The following ZDHHC9 variants were observed in gnomAD, a reference collection of about 807,000 sequenced individuals.
The protein encoded by ZDHHC9 is zDHHC palmitoyltransferase 9, also known as palmitoyltransferase ZDHHC9.
In ZDHHC9, 3 loss-of-function variants were observed where a neutral mutation model predicts 26.6. That is an observed-to-expected ratio of 0.11 (90% CI 0.05 to 0.29). The LOEUF (loss-of-function observed/expected upper bound fraction) is 0.29. Among genes scored for constraint, ZDHHC9 ranks in the 10% least tolerant of loss-of-function variants. The probability of loss-of-function intolerance (pLI) is 1.00; values close to 1 mark genes in which losing one functional copy is unlikely to be tolerated. For missense variants in ZDHHC9, 146 were observed against 296.4 expected (o/e 0.49, Z 3.73); for synonymous variants, 111 against 109.4 (o/e 1.01, Z -0.09).
intron 6 of ZDHHC9, among the ~76,000 whole-genome samples, chrX:129,814,146 C>T (rs111719704): frequency 4.5e-5 from 5 of 112,282 alleles, no homozygotes; most frequent in African/African-American, 1.6e-4. Flanking sequence ...AGACCACTCC[C>T]TTAACTCCAC....
chrX:129,811,993 T>C (rs1927652560), intron 8 of ZDHHC9, among the ~76,000 whole-genome samples: 1 of 111,666 alleles, frequency 9.0e-6, no homozygotes, highest in Non-Finnish European at 1.9e-5. Flanking sequence ...ACAAAGGTGA[T>C]GTCTAAGAAG....
chrX:129,823,180 A>C (rs1927930279), intron 5 of ZDHHC9: 1 of 119,300 alleles, frequency 8.4e-6, no homozygotes, highest in South Asian at 3.1e-4. Context: ...AATGGGGATA[A>C]TACCAATCTC....
chrX:129,827,278 G>A (rs1158107680), intron 4 of ZDHHC9, among the ~76,000 whole-genome samples: 1 of 87,926 alleles, frequency 1.1e-5, no homozygotes, highest in Non-Finnish European at 2.2e-5. Context: ...AAGGGAGGGA[G>A]GGAGGGAGGG....
intron 2 of ZDHHC9, among the ~76,000 whole-genome samples, chrX:129,842,417 A>G (rs906475281): frequency 1.6e-4 from 18 of 112,691 alleles, no homozygotes; most frequent in African/African-American, 5.8e-4. Context: ...TAAACTGAGG[A>G]CCAGAGAGAG....
At chrX:129,829,181 C>G (rs765020031) in intron 3 of ZDHHC9, 40 bp from the exon 4 acceptor site, 2 of 1,189,861 alleles carry the variant, frequency 1.7e-6, no homozygotes, top group African/African-American at 3.5e-5. Flanking sequence ...TGATACCTAC[C>G]CTATATTGAT....
chrX:129,834,961 T>A lies in ZDHHC9; in HGVS notation c.168-5820A>T, dbSNP rs919938245. ...TCCCTCAATAACATCTCAACTGATG[T>A]CAGCATGTTGGGGAACATCCCTGTT... On this transcript the variant is annotated intron_variant, in intron 3 of 10. Transcript: ENST00000357166. 5.3e-5 allele frequency among the ~76,000 whole-genome samples: 6 copies of A among 112,430 alleles called. No individual in the cohort carries two copies. In the East Asian group the frequency reaches 1.7e-3, roughly 31 times the overall value.
rs1193958931 is a variant in ZDHHC9, at chrX:129,803,917, T to A, written c.*2453A>T. 1 of 111,828 alleles carries A rather than the reference T, an allele frequency of 8.9e-6. No homozygotes were observed. The highest frequency in any genetic ancestry group is 2.8e-4 in the East Asian group (1 of 3,579). The allele number at this position is 111,828 out of a possible 1,213,427, so 9.2% of individuals were successfully genotyped here. ...TTCTTTAATCTCCCCTCTGATCAGA[T>A]AGGGACAGTCCCAGCTGGTGCATGG... On this transcript the variant is annotated 3_prime_UTR_variant, in exon 11 of 11. Transcript: ENST00000357166.
intron 3 of ZDHHC9, among the ~76,000 whole-genome samples, chrX:129,834,109 T>C (rs147165188): frequency 2.7e-5 from 3 of 111,580 alleles, no homozygotes; most frequent in African/African-American, 9.8e-5. Flanking sequence ...AGCATCCTTA[T>C]AAAAGAAATC....
At chrX:129,821,705 C>T (rs1245447249) in intron 5 of ZDHHC9, among the ~76,000 whole-genome samples, 1 of 108,768 alleles carries the variant, frequency 9.2e-6, no homozygotes. Context: ...GGGTGGATCA[C>T]AAGGTCAGGA....
Position 129,803,768 on chromosome X carries a change from C to T in ZDHHC9, c.*2602G>A, listed in dbSNP as rs918122797. The T allele has an allele frequency of 8.9e-6, 1 of 111,975 alleles. No individual in the cohort carries two copies. The highest frequency in any genetic ancestry group is 1.9e-5 in the Non-Finnish European group (1 of 53,190). 9.2% of individuals were successfully genotyped at this position (111,975 alleles called of 1,213,427 possible). A position where few individuals can be genotyped will look rare whatever the true frequency, so the allele number is the denominator to read the frequency against. The stretch of plus-strand genomic sequence containing the variant: ...GAGGTTTGGGATCAGTGCCAACCAT[C>T]CTGGCCTGGGAAAGTAGGGTGCATA... On this transcript the variant is annotated 3_prime_UTR_variant, in exon 11 of 11. Transcript: ENST00000357166.
At chrX:129,815,860 T>G (rs754195408) in intron 5 of ZDHHC9, among the ~76,000 whole-genome samples, 1 of 111,863 alleles carries the variant, frequency 8.9e-6, no homozygotes, top group African/African-American at 3.2e-5. Flanking sequence ...TAGTCAAAAG[T>G]TACTTGAAAT....
intron 3 of ZDHHC9, among the ~76,000 whole-genome samples, chrX:129,838,239 T>A (rs1928302366): frequency 8.9e-6 from 1 of 112,634 alleles, no homozygotes; most frequent in Admixed American, 9.4e-5. Context: ...TCTCCTTTTG[T>A]GTGTATTTGA....
chrX:129,841,977 C>T lies in ZDHHC9; in HGVS notation c.-32G>A, dbSNP rs1485047039. ...AATTCCTGCTCCAAAATGGGTTTTG[C>T]GATTACACGAGAGAAGAAACAGAGG... is the stretch of plus-strand genomic sequence containing the variant. On this transcript the variant is annotated 5_prime_UTR_variant, in exon 3 of 11. Coordinates refer to ENST00000357166, the MANE Select transcript of ZDHHC9 (RefSeq NM_016032.4). The T allele has an allele frequency of 3.3e-6, 4 of 1,207,194 alleles. No homozygotes were observed. The highest frequency in any genetic ancestry group is 4.5e-6 in the Non-Finnish European group (4 of 893,145).
At chrX:129,836,265 T>C (rs1928258487) in intron 3 of ZDHHC9, among the ~76,000 whole-genome samples, 1 of 109,805 alleles carries the variant, frequency 9.1e-6, no homozygotes, top group Non-Finnish European at 1.9e-5. Context: ...TCCTCTTTCT[T>C]TTTTCTATTT....
At chrX:129,835,249 C>G (rs1475098826) in intron 3 of ZDHHC9, among the ~76,000 whole-genome samples, 1 of 110,441 alleles carries the variant, frequency 9.1e-6, no homozygotes, top group African/African-American at 3.3e-5. Flanking sequence ...GAGTTCAAGA[C>G]CAGCCTGGGC....
chrX:129,835,247 G>A (rs1371423281), intron 3 of ZDHHC9, among the ~76,000 whole-genome samples: 1 of 110,823 alleles, frequency 9.0e-6, no homozygotes, highest in Non-Finnish European at 1.9e-5. Flanking sequence ...AGGAGTTCAA[G>A]ACCAGCCTGG....
chrX:129,819,694 T>C (rs904080147), intron 5 of ZDHHC9, among the ~76,000 whole-genome samples: 1 of 110,116 alleles, frequency 9.1e-6, no homozygotes, highest in African/African-American at 3.3e-5. Context: ...AATGTCCTAT[T>C]ATTTATTTAT....
At chrX:129,806,774 C>A (rs1927525718) in intron 10 of ZDHHC9, among the ~76,000 whole-genome samples, 1 of 111,806 alleles carries the variant, frequency 8.9e-6, no homozygotes, top group African/African-American at 3.3e-5. Flanking sequence ...CAGGTCCTCC[C>A]CACTTCAGAA....
intron 7 of ZDHHC9, among the ~76,000 whole-genome samples, chrX:129,813,227 G>A (rs981765278): frequency 8.9e-6 from 1 of 112,024 alleles, no homozygotes; most frequent in African/African-American, 3.2e-5. Flanking sequence ...TGAAACCCCC[G>A]TCTCTATTAA....
Sources: gnomAD v4.1 joint callset for allele counts (sites outside exome capture counted in the v4.1 genomes callset) on GRCh38, gnomAD v4.1.1 for gene constraint, MANE v1.5 for transcripts, NCBI Gene and HGNC (gene_info 2026-07-23, HGNC 2026-07-21) for gene names.